The following TRPC4AP variants were observed in gnomAD, a reference collection of about 807,000 sequenced individuals.
TRPC4AP encodes the protein transient receptor potential cation channel subfamily C member 4 associated protein.
TRPC4AP carries 45 observed loss-of-function variants against 99.0 expected under a neutral mutation model. The ratio of observed to expected loss-of-function variants is 0.45; its 90% CI spans 0.36 to 0.58. The LOEUF (loss-of-function observed/expected upper bound fraction) is 0.58, where lower values mean the gene tolerates loss of function less well. TRPC4AP is among the 20% of genes least tolerant of loss of function. TRPC4AP has a pLI of 0.00. For missense variants in TRPC4AP, 879 were observed against 985.3 expected (o/e 0.89, Z 1.44); for synonymous variants, 408 against 385.8 (o/e 1.06, Z -0.67).
At chr20:35,091,243 G>A (rs1228472219) in intron 1 of TRPC4AP, among the ~76,000 whole-genome samples, 2 of 151,844 alleles carry the variant, frequency 1.3e-5, no homozygotes, top group Non-Finnish European at 2.9e-5. Context: ...GCCTGCCTCG[G>A]CCTCCCAAAG....
At chr20:35,084,520 GTGTATATA>G (rs1053110743) in intron 1 of TRPC4AP, among the ~76,000 whole-genome samples, 117 of 147,798 alleles carry the variant, frequency 7.9e-4, no homozygotes, top group East Asian at 5.3e-3. Flanking sequence ...ACGTATATAT[GTGTATATA>G]TGTATATATG....
At chr20:35,039,235 C>A (rs910743899) in intron 7 of TRPC4AP, among the ~76,000 whole-genome samples, 3 of 152,244 alleles carry the variant, frequency 2.0e-5, no homozygotes, top group African/African-American at 7.2e-5. Flanking sequence ...AGGAGCTAGT[C>A]TTCCCCATTC....
At position 35,003,060 on chromosome 20, in the gene TRPC4AP, G is replaced by A; in HGVS notation, c.*86C>T. The stretch of plus-strand genomic sequence containing the variant: ...CCTGGGGCAGGCAGAGAGCAGCAGG[G>A]AGGAACGGGAACAGGGCAGGGCGTG... On this transcript the variant is annotated 3_prime_UTR_variant, in exon 19 of 19. Transcript: ENST00000252015. 1 of 1,555,502 alleles carries A rather than the reference G, an allele frequency of 6.4e-7. No homozygotes were observed. Among genetic ancestry groups the A allele is most frequent in the Non-Finnish European group, 8.7e-7 (1 of 1,145,130 alleles).
intron 3 of TRPC4AP, among the ~76,000 whole-genome samples, chr20:35,063,863 A>G (rs1173567160): frequency 6.6e-6 from 1 of 152,198 alleles, no homozygotes; most frequent in African/African-American, 2.4e-5. Flanking sequence ...TATCTCTAAA[A>G]TCATCCCAAC....
intron 6 of TRPC4AP, among the ~76,000 whole-genome samples, chr20:35,047,705 T>C (rs2083591498): frequency 2.0e-5 from 3 of 152,140 alleles, no homozygotes; most frequent in Admixed American, 1.3e-4. Flanking sequence ...CAAAAACTTA[T>C]TCAAAAAATA....
chr20:35,032,361 C>G (rs943668828), intron 8 of TRPC4AP, among the ~76,000 whole-genome samples: 7 of 151,876 alleles, frequency 4.6e-5, no homozygotes, highest in Non-Finnish European at 8.8e-5. Flanking sequence ...AGAACTTCCA[C>G]TGGGCTCTTT....
chr20:35,035,008 G>A (rs1254623878), intron 8 of TRPC4AP, 115 bp downstream of exon 8: 2 of 1,162,884 alleles, frequency 1.7e-6, no homozygotes, highest in Non-Finnish European at 2.4e-6. Context: ...TTGCCTTGAG[G>A]ACAATTCTAC....
intron 3 of TRPC4AP, among the ~76,000 whole-genome samples, chr20:35,068,032 T>C (rs1212827297): frequency 6.6e-6 from 1 of 152,170 alleles, no homozygotes; most frequent in Non-Finnish European, 1.5e-5. Flanking sequence ...TTAATAAAGC[T>C]GATTAAAAAA....
chr20:35,037,814 C>T (rs1355354018), intron 7 of TRPC4AP, among the ~76,000 whole-genome samples: 1 of 151,876 alleles, frequency 6.6e-6, no homozygotes, highest in Non-Finnish European at 1.5e-5. Context: ...AAATACTTAC[C>T]ATTATGGTAC....
intron 1 of TRPC4AP, among the ~76,000 whole-genome samples, chr20:35,083,694 A>G (rs6142294): frequency 0.38 from 56,793 of 150,132 alleles, 12,322 homozygotes; most frequent in East Asian, 0.59. Flanking sequence ...AGAATAAGAC[A>G]TTTTCTGATC....
chr20:35,035,844 CA>C (rs1369280042), intron 7 of TRPC4AP, among the ~76,000 whole-genome samples: 2 of 151,762 alleles, frequency 1.3e-5, no homozygotes, highest in Non-Finnish European at 2.9e-5. Flanking sequence ...AATTATTAAA[CA>C]ATATGAATTT....
intron 8 of TRPC4AP, among the ~76,000 whole-genome samples, chr20:35,024,852 A>AAAAAC (rs2082988293): frequency 1.4e-5 from 1 of 70,232 alleles, no homozygotes; most frequent in African/African-American, 4.7e-5. Context: ...AAAAAAAAAA[A>AAAAAC]AAATTCTGTT....
intron 4 of TRPC4AP, among the ~76,000 whole-genome samples, chr20:35,055,505 G>C (rs889698792): frequency 2.0e-5 from 3 of 152,038 alleles, no homozygotes; most frequent in African/African-American, 7.2e-5. Flanking sequence ...TAAAGTATAG[G>C]CATCTTTTTT....
At chr20:35,060,955 C>T (rs1349372986) in intron 3 of TRPC4AP, among the ~76,000 whole-genome samples, 1 of 152,106 alleles carries the variant, frequency 6.6e-6, no homozygotes, top group Non-Finnish European at 1.5e-5. Flanking sequence ...ACTCTCGCCA[C>T]TTCAATTTAA....
At chr20:35,032,455 T>C (rs933552956) in intron 8 of TRPC4AP, among the ~76,000 whole-genome samples, 14 of 150,894 alleles carry the variant, frequency 9.3e-5, no homozygotes, top group African/African-American at 3.4e-4. Flanking sequence ...AGCATAGTTT[T>C]AGTTCTTTGA....
Position 35,002,979 on chromosome 20 carries a change from C to T in TRPC4AP, c.*167G>A. ...CTCTCCATGACCTAGGGCCCTCAGA[C>T]CCAGGGGGACCAAGGGCTTCTAGGA... On this transcript the variant is annotated 3_prime_UTR_variant, in exon 19 of 19. Transcript: ENST00000252015. The T allele has an allele frequency of 1.1e-6, 1 of 926,124 alleles. No homozygotes were observed. The highest frequency in any genetic ancestry group is 1.6e-6 in the Non-Finnish European group (1 of 624,648). 57.4% of individuals were successfully genotyped at this position (926,124 alleles called of 1,614,324 possible).
intron 3 of TRPC4AP, among the ~76,000 whole-genome samples, chr20:35,059,739 C>T (rs1056712482): frequency 4.7e-5 from 7 of 149,756 alleles, no homozygotes; most frequent in Admixed American, 4.7e-4. Context: ...AAGAAGACTA[C>T]GACGAAGAAG....
chr20:35,048,548 A>G (rs1338265226), intron 6 of TRPC4AP, among the ~76,000 whole-genome samples: 1 of 152,228 alleles, frequency 6.6e-6, no homozygotes, highest in Non-Finnish European at 1.5e-5. Context: ...TTCTGAATAC[A>G]ACAAATCCTT....
intron 7 of TRPC4AP, among the ~76,000 whole-genome samples, chr20:35,043,185 C>T (rs941632302): frequency 1.3e-5 from 2 of 151,940 alleles, no homozygotes; most frequent in Admixed American, 6.6e-5. Flanking sequence ...CTAAGCAGTC[C>T]AGTGTTAATG....
Sources: allele counts gnomAD v4.1 joint callset (sites outside exome capture counted in the v4.1 genomes callset), GRCh38; gene constraint gnomAD v4.1.1; transcripts MANE v1.5; gene names NCBI Gene and HGNC (gene_info 2026-07-23, HGNC 2026-07-21).